The following FANCI variants were observed in gnomAD, a reference collection of about 807,000 sequenced individuals.
The protein encoded by FANCI is FA complementation group I.
A neutral mutation model predicts 176.1 loss-of-function variants in FANCI; 156 were observed. That is an observed-to-expected ratio of 0.89 (90% CI 0.78 to 1.01). FANCI has a LOEUF of 1.01. FANCI is among the 50% of genes least tolerant of loss of function. The pLI is 0.00. For synonymous variants in FANCI, 613 were observed against 541.7 expected (o/e 1.13, Z -1.83); for missense variants, 1,678 against 1,534.1 (o/e 1.09, Z -1.57).
chr15:89,255,015 C>T (rs2052433170), intron 2 of FANCI, among the ~76,000 whole-genome samples: 1 of 152,280 alleles, frequency 6.6e-6, no homozygotes, highest in African/African-American at 2.4e-5. Flanking sequence ...TTCCAACTCT[C>T]CCCAGTAATT....
intron 18 of FANCI, among the ~76,000 whole-genome samples, chr15:89,286,957 A>AT (rs1260550328): frequency 7.7e-6 from 1 of 130,632 alleles, no homozygotes; most frequent in Admixed American, 7.8e-5. Context: ...CTCCATCAGC[A>AT]TTTGCTGCTT....
intron 14 of FANCI, among the ~76,000 whole-genome samples, chr15:89,280,600 T>C (rs1242400475): frequency 6.6e-6 from 1 of 152,184 alleles, no homozygotes; most frequent in Non-Finnish European, 1.5e-5. Flanking sequence ...TTTCCTAATA[T>C]ATACCAACTC....
chr15:89,316,319 CTT>C (rs529182842), intron 37 of FANCI, 76 bp from the exon 38 acceptor site: 2 of 1,406,052 alleles, frequency 1.4e-6, no homozygotes, highest in Non-Finnish European at 2.0e-6. Flanking sequence ...AAGATAGAGT[CTT>C]TTTTTTCCTT....
At chr15:89,258,641 G>A in intron 2 of FANCI, 63 bp from the exon 3 acceptor site, 1 of 1,189,930 alleles carries the variant, frequency 8.4e-7, no homozygotes, top group Non-Finnish European at 1.3e-6. Context: ...TTCATATTGA[G>A]TGTTTAGGTC....
chr15:89,295,076 A>G lies in FANCI; in HGVS notation c.2618A>G (p.Asn873Ser). The change falls in exon 24 of 38, where the codon AAC becomes AGC. Residue 873 changes from asparagine to serine, a missense_variant. Asn to Ser is a conservative substitution (Grantham distance 46). Transcript: ENST00000310775. Reference protein sequence around the residue: ...DGQNPEKIFQNLCDITRVLLW... With the variant: ...DGQNPEKIFQSLCDITRVLLW... The stretch of plus-strand genomic sequence containing the variant: ...CAAAACCCAGAAAAGATCTTTCAGA[A>G]CCTCTGTGACATAACTCGGTAAGCC... 6.4e-7 allele frequency: 1 copy of G among 1,551,778 alleles called. No homozygotes were observed. Among genetic ancestry groups the G allele is most frequent in the Non-Finnish European group, 8.7e-7 (1 of 1,147,006 alleles).
chr15:89,266,442 C>T (rs547194848), intron 9 of FANCI, among the ~76,000 whole-genome samples: 26 of 151,622 alleles, frequency 1.7e-4, no homozygotes, highest in African/African-American at 6.3e-4. Flanking sequence ...GATCCTCCTG[C>T]CTCAGCCTCC....
At chr15:89,253,622 A>G (rs1285252048) in intron 2 of FANCI, among the ~76,000 whole-genome samples, 1 of 152,154 alleles carries the variant, frequency 6.6e-6, no homozygotes, top group Non-Finnish European at 1.5e-5. Flanking sequence ...CTGTCATACA[A>G]AGTATAGATG....
chr15:89,294,576 A>G (rs192131652), intron 23 of FANCI, among the ~76,000 whole-genome samples: 2 of 151,906 alleles, frequency 1.3e-5, no homozygotes, highest in East Asian at 3.9e-4. Flanking sequence ...CAAGAACAAA[A>G]TTCTGCCTAA....
At chr15:89,247,468 G>A (rs2052039461) in intron 1 of FANCI, 161 bp from the exon 2 acceptor site, 1 of 617,400 alleles carries the variant, frequency 1.6e-6, no homozygotes, top group Non-Finnish European at 2.9e-6. Context: ...CTGAGCTTAA[G>A]AAGAAGAAGA....
Position 89,305,717 on chromosome 15 carries a change from G to A in FANCI, c.3349+19G>A, listed in dbSNP as rs2054692845. 2 of 1,609,926 alleles carry A rather than the reference G, an allele frequency of 1.2e-6. No homozygotes were observed. The highest frequency in any genetic ancestry group is 1.3e-5 in the African/African-American group (1 of 74,828). ...TTATCAGGTAAGATAAGTTCAACTG[G>A]GATTCCAGGAATTGACATGAGCAAG... On this transcript the variant is annotated intron_variant, in intron 31 of 37. Transcript: ENST00000310775.
At chr15:89,248,712 G>C (rs1269245515) in intron 2 of FANCI, among the ~76,000 whole-genome samples, 2 of 152,118 alleles carry the variant, frequency 1.3e-5, no homozygotes, top group Non-Finnish European at 1.5e-5. Context: ...CAGTGTTCCA[G>C]ATGTTTTCTG....
chr15:89,259,513 G>A (rs1192015634), intron 3 of FANCI, among the ~76,000 whole-genome samples: 3 of 152,246 alleles, frequency 2.0e-5, no homozygotes, highest in Non-Finnish European at 2.9e-5. Flanking sequence ...AACTGCCTAC[G>A]TACACTACTA....
rs1183245280 is a variant in FANCI, at chr15:89,305,510, C to G, written c.3256-95C>G. 3.1e-6 allele frequency: 5 copies of G among 1,600,522 alleles called. No individual in the cohort carries two copies. The African/African-American group carries it at 6.7e-5, about 21-fold the overall frequency. On this transcript the variant is annotated intron_variant, in intron 30 of 37. Coordinates refer to ENST00000310775, the MANE Select transcript of FANCI (RefSeq NM_001113378.2). ...CCTATAGCGGCTTGTGTCCTGAGGC[C>G]TGTAACCCACCTGTAGGTGGCCAGG...
intron 20 of FANCI, 39 bp from the exon 21 acceptor site, chr15:89,292,649 A>T (rs1439205966): frequency 6.3e-7 from 1 of 1,594,618 alleles, no homozygotes; most frequent in East Asian, 2.2e-5. Flanking sequence ...TTATCCATCA[A>T]CACTCAAGAG....
rs558558809 is a variant in FANCI at position 89,306,559 on chromosome 15, G to C, written c.3537+365G>C. On this transcript the variant is annotated intron_variant, in intron 32 of 37. Coordinates refer to ENST00000310775, the MANE Select transcript of FANCI (RefSeq NM_001113378.2). ...ATACAAAAAGTAGCTGGGCGTGGTG[G>C]TGGGCACCTGTAATCCCAGCTACTC... Among the ~76,000 whole-genome samples the C allele has an allele frequency of 2.2e-4, 34 of 152,148 alleles. 1 individual carries two copies. The South Asian group carries it at 6.5e-3, about 29-fold the overall frequency.
chr15:89,296,267 ATT>A (rs57019106), intron 24 of FANCI, among the ~76,000 whole-genome samples: 76 of 148,740 alleles, frequency 5.1e-4, no homozygotes, highest in Admixed American at 8.0e-4. Context: ...CCTGGCCCTT[ATT>A]TTTTTTTTTT....
At chr15:89,297,409 C>T (rs1596312658) in intron 24 of FANCI, among the ~76,000 whole-genome samples, 1 of 152,044 alleles carries the variant, frequency 6.6e-6, no homozygotes, top group Non-Finnish European at 1.5e-5. Context: ...CCAAGGCAGG[C>T]GGCTGGGAGG....
rs2052506445 is a variant in FANCI at position 89,256,605 on chromosome 15, T to C, written c.85-2099T>C. 2.0e-5 allele frequency among the ~76,000 whole-genome samples: 3 copies of C among 152,206 alleles called. No homozygotes were observed. The South Asian group carries it at 6.2e-4, about 32-fold the overall frequency. On this transcript the variant is annotated intron_variant, in intron 2 of 37. Transcript: ENST00000310775. Reference sequence around the variant, plus strand: ...GCTTCTCTTTTTAATGACTGACTCTTGGTGTTTCTCTTCTTTATATTCTTT... The same window carrying C: ...GCTTCTCTTTTTAATGACTGACTCTCGGTGTTTCTCTTCTTTATATTCTTT...
At chr15:89,254,761 A>G (rs1484538397) in intron 2 of FANCI, among the ~76,000 whole-genome samples, 1 of 152,180 alleles carries the variant, frequency 6.6e-6, no homozygotes, top group Admixed American at 6.5e-5. Context: ...ATAGTGAGCT[A>G]TGACTGTGCC....
Sources: allele counts gnomAD v4.1 joint callset (sites outside exome capture counted in the v4.1 genomes callset), GRCh38; gene constraint gnomAD v4.1.1; transcripts MANE v1.5; gene names NCBI Gene and HGNC (gene_info 2026-07-23, HGNC 2026-07-21).